Variants in GLIPR1L1 observed in about 807,000 individuals in gnomAD.
GLIPR1L1 encodes the protein GLIPR1-like protein 1.
A neutral mutation model predicts 29.9 loss-of-function variants in GLIPR1L1; 26 were observed. The observed-to-expected ratio is 0.87, with a 90% CI of 0.64 to 1.21. The LOEUF is 1.21. Among genes scored for constraint, GLIPR1L1 ranks in the 50% most tolerant of loss-of-function variants. GLIPR1L1 has a pLI of 0.00. For synonymous variants in GLIPR1L1, 77 were observed against 97.5 expected, an observed-to-expected ratio of 0.79 and a Z score of 1.24; for missense variants, 305 against 290.3, an observed-to-expected ratio of 1.05 and a Z score of -0.37.
intron 3 of GLIPR1L1, among the ~76,000 whole-genome samples, chr12:75,349,969 G>A (rs1301294755): frequency 6.6e-6 from 1 of 152,240 alleles, no homozygotes; most frequent in Non-Finnish European, 1.5e-5. Context: ...GGGCAGGCTG[G>A]AGACTGCCTA....
chr12:75,334,747 T>C lies in GLIPR1L1; in HGVS notation c.19T>C (p.Phe7Leu), dbSNP rs942464220. 5 of 1,613,592 alleles carry C rather than the reference T, an allele frequency of 3.1e-6. No homozygotes were observed. Among genetic ancestry groups the C allele is most frequent in the Non-Finnish European group, 3.4e-6 (4 of 1,179,898 alleles). MALKNKFSCLWILGLCL... is the reference protein window; with the variant it reads MALKNKLSCLWILGLCL... ...TCCTTCCATGGCTCTGAAGAATAAA[T>C]TCAGTTGTTTATGGATCTTGGGTCT... is the stretch of plus-strand genomic sequence containing the variant. The change falls in exon 1 of 6, where the codon TTC becomes CTC. Residue 7 changes from phenylalanine (F) to leucine (L), a missense_variant. Coordinates refer to ENST00000378695, the MANE Select transcript of GLIPR1L1 (RefSeq NM_001304964.2).
chr12:75,362,466 A>G (rs1213745446), intron 3 of GLIPR1L1, among the ~76,000 whole-genome samples: 2 of 152,156 alleles, frequency 1.3e-5, no homozygotes, highest in Non-Finnish European at 2.9e-5. Flanking sequence ...ATTGGTAGTG[A>G]CCAAAAACTT....
chr12:75,350,123 T>C lies in GLIPR1L1; in HGVS notation c.521+2401T>C, dbSNP rs1000219512. ...AGCACAGCACAGCCACTGTGACAGTTTGTGGCCAGACTGCTTCTTTAAGCG... is the reference window on the plus strand; with the variant it reads ...AGCACAGCACAGCCACTGTGACAGTCTGTGGCCAGACTGCTTCTTTAAGCG... On this transcript the variant is annotated intron_variant, in intron 3 of 5. Coordinates refer to ENST00000378695, the MANE Select transcript of GLIPR1L1 (RefSeq NM_001304964.2). 3.9e-5 allele frequency among the ~76,000 whole-genome samples: 6 copies of C among 152,190 alleles called. No individual in the cohort carries two copies. The East Asian group carries it at 9.6e-4, about 24-fold the overall frequency.
At chr12:75,355,351 GC>G (rs2043085010) in intron 3 of GLIPR1L1, among the ~76,000 whole-genome samples, 1 of 152,170 alleles carries the variant, frequency 6.6e-6, no homozygotes, top group South Asian at 2.1e-4. Flanking sequence ...CATTTATGCA[GC>G]CAACGAACTA....
chr12:75,368,229 G>A (rs1303179639), intron 4 of GLIPR1L1, among the ~76,000 whole-genome samples: 1 of 151,096 alleles, frequency 6.6e-6, no homozygotes, highest in African/African-American at 2.4e-5. Flanking sequence ...CTTAAGAGAT[G>A]GCTAGATTCT....
chr12:75,336,413 T>C (rs1410122351), intron 1 of GLIPR1L1, among the ~76,000 whole-genome samples: 1 of 151,774 alleles, frequency 6.6e-6, no homozygotes, highest in Non-Finnish European at 1.5e-5. Context: ...TCAGATTGGA[T>C]TAATGCTTTT....
intron 4 of GLIPR1L1, chr12:75,366,865 T>C: frequency 1.4e-6 from 1 of 701,306 alleles, no homozygotes; most frequent in South Asian, 1.5e-5. Flanking sequence ...ATGAGTCTTT[T>C]AAAACTAATT....
intron 2 of GLIPR1L1, among the ~76,000 whole-genome samples, chr12:75,345,789 T>C (rs2042402631): frequency 1.3e-5 from 2 of 152,214 alleles, no homozygotes; most frequent in African/African-American, 4.8e-5. Flanking sequence ...ATATCCTTTG[T>C]CTTCTCTTTT....
At chr12:75,368,571 G>T (rs1356360246) in intron 4 of GLIPR1L1, among the ~76,000 whole-genome samples, 1 of 151,170 alleles carries the variant, frequency 6.6e-6, no homozygotes, top group East Asian at 1.9e-4. Flanking sequence ...GTTTCCTTAA[G>T]AGATGGCTAG....
At chr12:75,351,168 C>T (rs913341984) in intron 3 of GLIPR1L1, among the ~76,000 whole-genome samples, 1 of 152,098 alleles carries the variant, frequency 6.6e-6, no homozygotes, top group Non-Finnish European at 1.5e-5. Flanking sequence ...CAAACAAAAC[C>T]TGTGAGAACT....
At chr12:75,357,148 C>A (rs1294403644) in intron 3 of GLIPR1L1, among the ~76,000 whole-genome samples, 5 of 152,130 alleles carry the variant, frequency 3.3e-5, no homozygotes, top group Non-Finnish European at 7.4e-5. Flanking sequence ...TATAATTTCA[C>A]CACTGTACTC....
chr12:75,361,199 C>CA lies in GLIPR1L1; in HGVS notation c.522-1895dup, dbSNP rs36088782. ...TGTGCTGATTGGTCTGTTGGTATGC[C>CA]AAAAAAAATAAATAAATAAAAAGTT... On this transcript the variant is annotated intron_variant, in intron 3 of 5. Transcript: ENST00000378695. Among the ~76,000 whole-genome samples, 1,369 of 150,586 alleles carry CA rather than the reference C, an allele frequency of 9.1e-3. 25 individuals carry two copies. The highest frequency in any genetic ancestry group is 0.031 in the African/African-American group (1,269 of 41,040).
intron 2 of GLIPR1L1, among the ~76,000 whole-genome samples, chr12:75,346,716 T>G (rs937912524): frequency 1.1e-4 from 16 of 152,202 alleles, no homozygotes; most frequent in Non-Finnish European, 2.1e-4. Flanking sequence ...ATATTTTTTT[T>G]GCTGGTAAAA....
intron 1 of GLIPR1L1, among the ~76,000 whole-genome samples, chr12:75,335,135 G>A (rs1165277483): frequency 6.6e-6 from 1 of 152,120 alleles, no homozygotes; most frequent in East Asian, 1.9e-4. Context: ...GGGGATGCTG[G>A]AGCAGTGTTT....
chr12:75,367,463 C>A (rs2044052701), intron 4 of GLIPR1L1, among the ~76,000 whole-genome samples: 1 of 151,950 alleles, frequency 6.6e-6, no homozygotes, highest in African/African-American at 2.4e-5. Context: ...CACACATTAG[C>A]CTAGGCCTAC....
At chr12:75,362,349 G>A (rs2043652446) in intron 3 of GLIPR1L1, among the ~76,000 whole-genome samples, 1 of 152,128 alleles carries the variant, frequency 6.6e-6, no homozygotes, top group Non-Finnish European at 1.5e-5. Context: ...GAGTGACCAT[G>A]CCAAATGCTG....
At chr12:75,349,992 C>T (rs1475500718) in intron 3 of GLIPR1L1, among the ~76,000 whole-genome samples, 1 of 152,200 alleles carries the variant, frequency 6.6e-6, no homozygotes, top group East Asian at 1.9e-4. Flanking sequence ...AAGACCGGGT[C>T]CCGGGAGGGA....
chr12:75,334,998 C>T (rs760886483), intron 1 of GLIPR1L1, 96 bp downstream of exon 1: 1 of 1,222,768 alleles, frequency 8.2e-7, no homozygotes, highest in Admixed American at 2.4e-5. Context: ...TAATTCAATC[C>T]GGACTTTACA....
intron 3 of GLIPR1L1, among the ~76,000 whole-genome samples, chr12:75,356,547 T>A (rs1277558374): frequency 6.6e-6 from 1 of 151,560 alleles, no homozygotes; most frequent in Non-Finnish European, 1.5e-5. Context: ...AAACAAAGAG[T>A]AATCGCAAAT....
Sources: allele counts gnomAD v4.1 joint callset (sites outside exome capture counted in the v4.1 genomes callset), GRCh38; gene constraint gnomAD v4.1.1; transcripts MANE v1.5; gene names NCBI Gene and HGNC (gene_info 2026-07-23, HGNC 2026-07-21).